Variants in ADAMTS19 observed in about 807,000 individuals in gnomAD.
ADAMTS19 encodes ADAM metallopeptidase with thrombospondin type 1 motif 19.
Under a neutral mutation model 153.3 loss-of-function variants are expected in ADAMTS19, and 93 were observed. The ratio of observed to expected loss-of-function variants is 0.61; its 90% CI spans 0.51 to 0.72. The LOEUF is 0.72. Among genes scored for constraint, ADAMTS19 ranks in the 30% least tolerant of loss-of-function variants. The pLI is 0.00. For missense variants in ADAMTS19, 1,482 were observed against 1,552.1 expected, an observed-to-expected ratio of 0.95 and a Z score of 0.76; for synonymous variants, 600 against 556.6, an observed-to-expected ratio of 1.08 and a Z score of -1.10.
intron 6 of ADAMTS19, among the ~76,000 whole-genome samples, chr5:129,533,331 A>G (rs1752282782): frequency 6.6e-6 from 1 of 152,132 alleles, no homozygotes; most frequent in Non-Finnish European, 1.5e-5. Context: ...GTCAAAATTC[A>G]CCAATCTTCT....
chr5:129,527,631 T>A lies in ADAMTS19; in HGVS notation c.1087-117T>A, dbSNP rs1188170976. On this transcript the variant is annotated intron_variant, in intron 4 of 22. Transcript: ENST00000274487. ...GCTTTACAAGCTTTTTTTTTTTTTT[T>A]TTAAAAAAAAAAAAAGATGTCTCAA... The A allele has an allele frequency of 2.8e-3, 731 of 265,604 alleles. 8 individuals are homozygous for A. Among genetic ancestry groups the A allele is most frequent in the African/African-American group, 0.026 (656 of 25,670 alleles). 16.5% of individuals were successfully genotyped at this position (265,604 alleles called of 1,614,324 possible).
chr5:129,534,853 G>C (rs576126877), intron 6 of ADAMTS19, among the ~76,000 whole-genome samples: 1 of 152,232 alleles, frequency 6.6e-6, no homozygotes, highest in South Asian at 2.1e-4. Context: ...TGCAGAAAAG[G>C]CCTTTGACAA....
intron 21 of ADAMTS19, among the ~76,000 whole-genome samples, chr5:129,722,089 T>C (rs572357645): frequency 6.6e-6 from 1 of 152,352 alleles, no homozygotes; most frequent in African/African-American, 2.4e-5. Flanking sequence ...TATAATAGAA[T>C]GATATATATT....
chr5:129,725,959 A>G (rs67380325), intron 21 of ADAMTS19, among the ~76,000 whole-genome samples: 8,365 of 152,190 alleles, frequency 0.055, 347 homozygotes, highest in African/African-American at 0.12. Context: ...CACTACGGCA[A>G]TGGAACAAAT....
chr5:129,558,265 T>C (rs369151075), intron 7 of ADAMTS19, among the ~76,000 whole-genome samples: 3 of 152,124 alleles, frequency 2.0e-5, no homozygotes, highest in East Asian at 3.9e-4. Flanking sequence ...AATTGTATTA[T>C]CTACATAAAG....
chr5:129,461,535 C>A lies in ADAMTS19; in HGVS notation c.525C>A (p.Ile175=). 2.0e-6 allele frequency: 3 copies of A among 1,531,106 alleles called. No individual in the cohort carries two copies. Among genetic ancestry groups the A allele is most frequent in the Non-Finnish European group, 2.6e-6 (3 of 1,145,498 alleles). 94.8% of individuals were successfully genotyped at this position (1,531,106 alleles called of 1,614,324 possible). Residue 175 remains isoleucine (I), a synonymous_variant, in exon 2 of 23, where the codon ATC becomes ATA. Coordinates refer to ENST00000274487, the MANE Select transcript of ADAMTS19 (RefSeq NM_133638.6). The surrounding 1 kb of genome is among the most constrained non-coding windows in gnomAD (Gnocchi z 4.6). ...EPDGDEVLLR[I]PAFSRDLYLL... ...ATGGCGACGAAGTGTTGCTGCGGAT[C>A]CCGGCCTTCTCTCGGGACCTGTACC... is the stretch of plus-strand genomic sequence containing the variant.
intron 21 of ADAMTS19, among the ~76,000 whole-genome samples, chr5:129,734,197 G>A (rs1251974834): frequency 6.6e-6 from 1 of 151,816 alleles, no homozygotes; most frequent in Non-Finnish European, 1.5e-5. Context: ...GCAGAGAGTT[G>A]AAAATTTAGG....
In ADAMTS19 at chr5:129,735,117, G is replaced by GA; in HGVS notation, c.3490+9dup. ...TAACATCACCCAGACTGGGTAAGCA[G>GA]ACAAAAAAAAAAGATGCTTTTGAAA... On this transcript the variant is annotated intron_variant, in intron 22 of 22. Transcript: ENST00000274487. 3.3e-6 allele frequency: 5 copies of GA among 1,524,330 alleles called. No individual in the cohort carries two copies. Among genetic ancestry groups the GA allele is most frequent in the Admixed American group, 2.3e-5 (1 of 43,640 alleles). The allele number at this position is 1,524,330 out of a possible 1,614,324, so 94.4% of individuals were successfully genotyped here.
chr5:129,655,598 A>T (rs1753512982), intron 14 of ADAMTS19, among the ~76,000 whole-genome samples: 1 of 152,114 alleles, frequency 6.6e-6, no homozygotes, highest in Non-Finnish European at 1.5e-5. Flanking sequence ...TGAGAATTTG[A>T]TGAATTTTTT....
intron 7 of ADAMTS19, among the ~76,000 whole-genome samples, chr5:129,582,280 T>C (rs1297815297): frequency 6.6e-6 from 1 of 151,406 alleles, no homozygotes; most frequent in African/African-American, 2.4e-5. Flanking sequence ...TGGGTGCTCC[T>C]GTATTGGGGG....
chr5:129,556,686 C>G (rs1011177818), intron 7 of ADAMTS19, among the ~76,000 whole-genome samples: 3 of 151,952 alleles, frequency 2.0e-5, no homozygotes, highest in Non-Finnish European at 4.4e-5. Context: ...AGTTCTGAGT[C>G]AGAGAGAGAC....
In ADAMTS19 at chr5:129,738,053, T is replaced by G. The variant is rs1757745983; in HGVS notation, c.*835T>G. 1 of 152,488 alleles carries G rather than the reference T, an allele frequency of 6.6e-6. No homozygotes were observed. Among genetic ancestry groups the G allele is most frequent in the African/African-American group, 2.4e-5 (1 of 41,424 alleles). The allele number at this position is 152,488 out of a possible 1,614,324, so 9.4% of individuals were successfully genotyped here. A position where few individuals can be genotyped will look rare whatever the true frequency, so the allele number is the denominator to read the frequency against. ...AAACATTGATCCACCCATTTCCCTG[T>G]ATCTTTTTAGCAGATTTATTAAAGA... On this transcript the variant is annotated 3_prime_UTR_variant, in exon 23 of 23. Transcript: ENST00000274487.
Position 129,576,223 on chromosome 5 carries a change from G to T in ADAMTS19, c.1373-20336G>T, listed in dbSNP as rs191870285. ...ACCACTGCTGCTCCTACATACCATT[G>T]TCCCTGTGATTGAATCTCCTTTCTT... On this transcript the variant is annotated intron_variant, in intron 7 of 22. Coordinates refer to ENST00000274487, the MANE Select transcript of ADAMTS19 (RefSeq NM_133638.6). Among the ~76,000 whole-genome samples, 7 of 152,002 alleles carry T rather than the reference G, an allele frequency of 4.6e-5. No individual in the cohort carries two copies. The East Asian group carries it at 1.4e-3, about 29-fold the overall frequency.
intron 2 of ADAMTS19, among the ~76,000 whole-genome samples, chr5:129,477,784 C>A (rs553334872): frequency 6.6e-6 from 1 of 152,136 alleles, no homozygotes. Flanking sequence ...ACGTTCTGAA[C>A]CTATTAATAA....
intron 7 of ADAMTS19, among the ~76,000 whole-genome samples, chr5:129,594,610 T>C (rs1750289345): frequency 6.6e-6 from 1 of 152,168 alleles, no homozygotes; most frequent in African/African-American, 2.4e-5. Flanking sequence ...TTCTTCCATT[T>C]GATTATAATG....
intron 6 of ADAMTS19, among the ~76,000 whole-genome samples, chr5:129,545,706 G>C (rs1361388227): frequency 6.6e-6 from 1 of 151,012 alleles, no homozygotes; most frequent in Non-Finnish European, 1.5e-5. Flanking sequence ...ACACCAGTTA[G>C]AATGGCAATC....
At chr5:129,490,659 A>G (rs748873771) in intron 2 of ADAMTS19, among the ~76,000 whole-genome samples, 8 of 152,164 alleles carry the variant, frequency 5.3e-5, no homozygotes, top group Non-Finnish European at 1.0e-4. Flanking sequence ...AAGTCTAGGT[A>G]AATAATGAGA....
intron 8 of ADAMTS19, among the ~76,000 whole-genome samples, chr5:129,606,737 A>G (rs1334503175): frequency 6.6e-6 from 1 of 152,150 alleles, no homozygotes; most frequent in Non-Finnish European, 1.5e-5. Context: ...ATGCAAATGA[A>G]CTGTAATTTT....
chr5:129,696,990 G>A (rs1244492633), intron 19 of ADAMTS19, among the ~76,000 whole-genome samples: 1 of 152,172 alleles, frequency 6.6e-6, no homozygotes, highest in Non-Finnish European at 1.5e-5. Context: ...CCTGGAAAGG[G>A]AAGGGGATTC....
Sources: gnomAD v4.1 joint callset for allele counts (sites outside exome capture counted in the v4.1 genomes callset) on GRCh38, gnomAD v4.1.1 for gene constraint, Gnocchi (gnomAD v3.1) non-coding constraint, MANE v1.5 for transcripts, NCBI Gene and HGNC (gene_info 2026-07-23, HGNC 2026-07-21) for gene names.